The following ATOSA variants were observed in gnomAD, a reference collection of about 807,000 sequenced individuals.
ATOSA encodes the protein atos homolog protein A.
the ATOSA span, among the ~76,000 whole-genome samples, chr15:52,641,543 T>C: frequency 3.3e-5 from 5 of 152,088 alleles, no homozygotes; most frequent in African/African-American, 9.7e-5. Flanking sequence ...AAAAAGAAAA[T>C]GAGATGATGT....
At chr15:52,620,764 G>C in the ATOSA span, among the ~76,000 whole-genome samples, 1 of 151,972 alleles carries the variant, frequency 6.6e-6, no homozygotes, top group South Asian at 2.1e-4. Context: ...CCTGGGCAAC[G>C]TGGCAAAACC....
chr15:52,583,576 G>C, the ATOSA span, among the ~76,000 whole-genome samples: 6 of 152,050 alleles, frequency 3.9e-5, no homozygotes, highest in Non-Finnish European at 7.4e-5. Flanking sequence ...AGTAGAGATG[G>C]GGTTTCACCA....
chr15:52,675,905 CAA>C, the ATOSA span, among the ~76,000 whole-genome samples: 1 of 95,726 alleles, frequency 1.0e-5, no homozygotes, highest in Non-Finnish European at 2.2e-5. Context: ...GACTCCGTCT[CAA>C]AAAAAAAAAA....
At chr15:52,654,877 C>T in the ATOSA span, among the ~76,000 whole-genome samples, 1 of 152,066 alleles carries the variant, frequency 6.6e-6, no homozygotes, top group East Asian at 1.9e-4. Flanking sequence ...AAAAGAACCC[C>T]TCAAAGGTAA....
At chr15:52,595,517 T>C in the ATOSA span, among the ~76,000 whole-genome samples, 2 of 150,390 alleles carry the variant, frequency 1.3e-5, no homozygotes, top group Admixed American at 6.7e-5. Context: ...GCATATATGC[T>C]AGGCCCCACT....
chr15:52,682,337 C>T, the ATOSA span, among the ~76,000 whole-genome samples: 2 of 151,484 alleles, frequency 1.3e-5, no homozygotes, highest in African/African-American at 2.4e-5. Context: ...TGAATGTGAA[C>T]TTAGATATGT....
the ATOSA span, among the ~76,000 whole-genome samples, chr15:52,646,868 T>G: frequency 1.3e-5 from 2 of 152,210 alleles, no homozygotes; most frequent in African/African-American, 4.8e-5. Context: ...AGGGGGTTGA[T>G]AGCATTCAGC....
At chr15:52,690,852 A>G in the ATOSA span, among the ~76,000 whole-genome samples, 2 of 152,226 alleles carry the variant, frequency 1.3e-5, no homozygotes, top group African/African-American at 4.8e-5. Context: ...ATAAAGATAC[A>G]GGTGATTCAT....
the ATOSA span, among the ~76,000 whole-genome samples, chr15:52,664,456 A>T: frequency 6.6e-6 from 1 of 152,204 alleles, no homozygotes; most frequent in African/African-American, 2.4e-5. Context: ...TCCTCGCAGA[A>T]ACCTTGAGAA....
At chr15:52,587,827 T>C in the ATOSA span, among the ~76,000 whole-genome samples, 2 of 152,256 alleles carry the variant, frequency 1.3e-5, no homozygotes, top group Non-Finnish European at 2.9e-5. Flanking sequence ...GAATGTTCTA[T>C]AGTAAAGCTA....
chr15:52,609,407 T>A, the ATOSA span: 1 of 1,613,848 alleles, frequency 6.2e-7, no homozygotes, highest in African/African-American at 1.3e-5. Context: ...TGCCGGGGGA[T>A]ATGTGATGCT....
At chr15:52,681,760 CA>C in the ATOSA span, among the ~76,000 whole-genome samples, 3,305 of 152,252 alleles carry the variant, frequency 0.022, 129 homozygotes, top group African/African-American at 0.076. Context: ...AAAGTTAACT[CA>C]TCTTCAGCAA....
the ATOSA span, chr15:52,584,747 C>G: frequency 6.2e-7 from 1 of 1,611,986 alleles, no homozygotes. Context: ...AGCATTACCT[C>G]AGATGTATGA....
the ATOSA span, chr15:52,585,024 A>T: frequency 5.7e-6 from 7 of 1,232,286 alleles, no homozygotes; most frequent in African/African-American, 1.1e-4. Context: ...CAATAATCAA[A>T]CAAGATTTTA....
the ATOSA span, chr15:52,656,328 A>T: frequency 6.6e-6 from 1 of 152,138 alleles, no homozygotes; most frequent in Non-Finnish European, 1.5e-5. Flanking sequence ...AAATTAAGCC[A>T]TACATTATAT....
the ATOSA span, chr15:52,652,089 C>T: frequency 7.0e-7 from 1 of 1,428,304 alleles, no homozygotes; most frequent in Non-Finnish European, 9.1e-7. Context: ...AGCAACAGCA[C>T]TCACAGCTGA....
At chr15:52,694,632 G>A in the ATOSA span, among the ~76,000 whole-genome samples, 9 of 151,778 alleles carry the variant, frequency 5.9e-5, no homozygotes, top group African/African-American at 9.7e-5. Context: ...CCAGGAGTCC[G>A]AATATAGCAA....
the ATOSA span, chr15:52,582,232 C>T: frequency 1.2e-6 from 2 of 1,602,936 alleles, no homozygotes; most frequent in Non-Finnish European, 1.7e-6. Context: ...CGCTATCAAC[C>T]TCCATTGACT....
At chr15:52,681,308 C>A in the ATOSA span, among the ~76,000 whole-genome samples, 10 of 152,156 alleles carry the variant, frequency 6.6e-5, no homozygotes, top group Admixed American at 5.9e-4. Flanking sequence ...CTGAATACTA[C>A]CTGCTAGGCT....
Sources: allele counts gnomAD v4.1 joint callset (sites outside exome capture counted in the v4.1 genomes callset), GRCh38; gene constraint gnomAD v4.1.1; transcripts MANE v1.5; gene names NCBI Gene and HGNC (gene_info 2026-07-23, HGNC 2026-07-21).